PLEKHG7: variants seen among roughly 807,000 people sequenced by gnomAD.
The protein encoded by PLEKHG7 is pleckstrin homology domain-containing family G member 7.
PLEKHG7 carries 77 observed loss-of-function variants against 85.2 expected under a neutral mutation model. That is an observed-to-expected ratio of 0.90 (90% CI 0.75 to 1.09). PLEKHG7 has a LOEUF of 1.09. Among genes scored for constraint, PLEKHG7 ranks in the 50% least tolerant of loss-of-function variants. The pLI, the probability that PLEKHG7 is intolerant of heterozygous loss-of-function variation, is 0.00. For missense variants in PLEKHG7, 777 were observed against 804.3 expected (o/e 0.97, Z 0.41); for synonymous variants, 301 against 302.4 (o/e 1.00, Z 0.05).
rs145117682 is a variant in PLEKHG7 at position 92,759,125 on chromosome 12, T to G, written c.1637-2627T>G. ...CCCAGCCTTAAAAACTGTACTCTTA[T>G]AATCAAATAAGTATATGTTCTCATT... On this transcript the variant is annotated intron_variant, in intron 13 of 16. Transcript: ENST00000344636. Among the ~76,000 whole-genome samples, 907 of 152,342 alleles carry G rather than the reference T, an allele frequency of 6.0e-3. 12 individuals carry two copies. Among genetic ancestry groups the G allele is most frequent in the African/African-American group, 0.02 (830 of 41,582 alleles).
rs117458083 is a variant in PLEKHG7, at chr12:92,736,676, G to T, written c.795+99G>T. ...CAGTATTTTAAGCTGCCAGATTACTGCCTTGTTTATAGTAAGAGCAAAATG... is the reference window on the plus strand; with the variant it reads ...CAGTATTTTAAGCTGCCAGATTACTTCCTTGTTTATAGTAAGAGCAAAATG... On this transcript the variant is annotated intron_variant, in intron 6 of 16. Coordinates refer to ENST00000344636, the MANE Select transcript of PLEKHG7 (RefSeq NM_001377329.1). The T allele has an allele frequency of 3.4e-4, 234 of 690,444 alleles. 2 individuals carry two copies. The East Asian group carries it at 7.3e-3, about 22-fold the overall frequency. The allele number at this position is 690,444 out of a possible 1,614,324, so 42.8% of individuals were successfully genotyped here.
intron 9 of PLEKHG7, among the ~76,000 whole-genome samples, chr12:92,742,836 G>T (rs562723240): frequency 6.6e-6 from 1 of 152,040 alleles, no homozygotes; most frequent in Non-Finnish European, 1.5e-5. Flanking sequence ...GGGATTAGAG[G>T]AGTGAGCCAC....
chr12:92,761,687 G>A (rs570378315), intron 13 of PLEKHG7, 65 bp from the exon 14 acceptor site: 125 of 1,318,172 alleles, frequency 9.5e-5, no homozygotes, highest in South Asian at 5.3e-4. Flanking sequence ...AGAAAGAAAG[G>A]GAAAGAAAAA....
Position 92,754,098 on chromosome 12 carries a change from G to A in PLEKHG7, c.1260G>A (p.Glu420=). 1 of 1,613,598 alleles carries A rather than the reference G, an allele frequency of 6.2e-7. No individual in the cohort carries two copies. Residue 420 remains glutamate (E), a synonymous_variant, in exon 11 of 17, where the codon GAG becomes GAA. Coordinates refer to ENST00000344636, the MANE Select transcript of PLEKHG7 (RefSeq NM_001377329.1). The part of the protein sequence containing the change: ...DDFGIYLKWC[E]QNEQCRRLHV... ...GCTTTTGCCTTCCCCAGTGGTGTGA[G>A]CAGAATGAACAATGCAGACGGCTCC...
intron 3 of PLEKHG7, among the ~76,000 whole-genome samples, chr12:92,716,367 G>C (rs948409657): frequency 4.6e-5 from 7 of 152,108 alleles, no homozygotes; most frequent in Admixed American, 1.3e-4. Context: ...CAAAGTGCTG[G>C]GATTACAGGT....
chr12:92,761,626 GAA>G, intron 13 of PLEKHG7, 124 bp from the exon 14 acceptor site: 1 of 65,462 alleles, frequency 1.5e-5, no homozygotes, highest in African/African-American at 3.2e-4. Flanking sequence ...AAAGAAAGAA[GAA>G]AGAAAGAAAG....
At position 92,748,413 on chromosome 12, in the gene PLEKHG7, A is replaced by C. The variant is rs536429947; in HGVS notation, c.1251+2822A>C. ...AGGTGCCTGCCACCGTGCCTGGCAA[A>C]TTTTTTATATTTTCGGTAGAGACGG... On this transcript the variant is annotated intron_variant, in intron 10 of 16. Coordinates refer to ENST00000344636, the MANE Select transcript of PLEKHG7 (RefSeq NM_001377329.1). Among the ~76,000 whole-genome samples, 10 of 152,004 alleles carry C rather than the reference A, an allele frequency of 6.6e-5. No individual in the cohort carries two copies. The South Asian group carries it at 2.1e-3, about 32-fold the overall frequency.
At chr12:92,737,780 AG>A (rs1872219925) in intron 7 of PLEKHG7, among the ~76,000 whole-genome samples, 1 of 31,050 alleles carries the variant, frequency 3.2e-5, no homozygotes, top group African/African-American at 7.9e-5. Flanking sequence ...AGGGAAAGAG[AG>A]GGAACGGGAG....
chr12:92,749,561 A>G (rs1455803749), intron 10 of PLEKHG7: 2 of 152,192 alleles, frequency 1.3e-5, no homozygotes, highest in African/African-American at 4.8e-5. Context: ...AAACAAAACG[A>G]TGCAGAGGAA....
intron 15 of PLEKHG7, among the ~76,000 whole-genome samples, chr12:92,765,999 A>C (rs1350594466): frequency 1.8e-4 from 27 of 152,154 alleles, no homozygotes; most frequent in Admixed American, 1.8e-3. Flanking sequence ...CTTGACTGGG[A>C]CCAAAGTCTA....
At chr12:92,732,977 G>A (rs1872035532) in intron 5 of PLEKHG7, among the ~76,000 whole-genome samples, 1 of 152,204 alleles carries the variant, frequency 6.6e-6, no homozygotes, top group Non-Finnish European at 1.5e-5. Context: ...ACCAGCAGCA[G>A]CAGCGGGGCC....
Position 92,703,122 on chromosome 12 carries a change from C to T in PLEKHG7, c.-172C>T, listed in dbSNP as rs991301768. On this transcript the variant is annotated 5_prime_UTR_variant, in exon 1 of 17. Transcript: ENST00000344636. ...GGGTGCAGTTGCCTTCAGGGACAGA[C>T]CATCTTACAGGTATTAAAGGCAACA... The T allele has an allele frequency of 6.6e-6, 1 of 152,228 alleles. No individual in the cohort carries two copies. The highest frequency in any genetic ancestry group is 6.5e-5 in the Admixed American group (1 of 15,282). 9.4% of individuals were successfully genotyped at this position (152,228 alleles called of 1,614,324 possible). A position where few individuals can be genotyped will look rare whatever the true frequency, so the allele number is the denominator to read the frequency against.
At chr12:92,756,029 T>C in intron 12 of PLEKHG7, 89 bp downstream of exon 12, 2 of 881,048 alleles carry the variant, frequency 2.3e-6, no homozygotes, top group Non-Finnish European at 3.6e-6. Flanking sequence ...TGTCCCCATC[T>C]GTCCACTTGA....
intron 9 of PLEKHG7, 46 bp downstream of exon 9, chr12:92,741,638 C>T (rs1314790859): frequency 2.8e-6 from 4 of 1,450,702 alleles, no homozygotes; most frequent in Non-Finnish European, 3.8e-6. Context: ...TAAAATCACC[C>T]ACCTCCCAGG....
At chr12:92,704,853 C>T (rs1489806192) in intron 1 of PLEKHG7, among the ~76,000 whole-genome samples, 2 of 152,220 alleles carry the variant, frequency 1.3e-5, no homozygotes, top group Non-Finnish European at 2.9e-5. Context: ...GCTCGGATTA[C>T]AGGCATGAGC....
intron 4 of PLEKHG7, among the ~76,000 whole-genome samples, chr12:92,731,898 T>A (rs895777903): frequency 6.6e-6 from 1 of 152,164 alleles, no homozygotes. Flanking sequence ...TGGCTCCCTG[T>A]CTTAAATAAA....
At chr12:92,743,186 T>C (rs1423119514) in intron 9 of PLEKHG7, among the ~76,000 whole-genome samples, 1 of 152,168 alleles carries the variant, frequency 6.6e-6, no homozygotes, top group Non-Finnish European at 1.5e-5. Flanking sequence ...GCTGATGAAA[T>C]GGCCACTACC....
intron 3 of PLEKHG7, among the ~76,000 whole-genome samples, chr12:92,708,707 C>A (rs957627979): frequency 7.9e-5 from 12 of 152,130 alleles, no homozygotes; most frequent in Admixed American, 7.9e-4. Context: ...ATTCTTTATA[C>A]AGTGAAGGGA....
At position 92,724,732 on chromosome 12, in the gene PLEKHG7, T is replaced by C. The variant is rs184179043; in HGVS notation, c.531-4261T>C. Among the ~76,000 whole-genome samples, 426 of 152,306 alleles carry C rather than the reference T, an allele frequency of 2.8e-3. 2 individuals are homozygous for C. The highest frequency in any genetic ancestry group is 6.8e-3 in the Middle Eastern group (2 of 294). On this transcript the variant is annotated intron_variant, in intron 3 of 16. Coordinates refer to ENST00000344636, the MANE Select transcript of PLEKHG7 (RefSeq NM_001377329.1). ...GAAGAAGCTAGCTAAGTCTGTCCCCTTTGAAAAACTTTTTCCAGGATTCAC... is the reference window on the plus strand; with the variant it reads ...GAAGAAGCTAGCTAAGTCTGTCCCCCTTGAAAAACTTTTTCCAGGATTCAC...
Sources: gnomAD v4.1 joint callset for allele counts (sites outside exome capture counted in the v4.1 genomes callset) on GRCh38, gnomAD v4.1.1 for gene constraint, MANE v1.5 for transcripts, NCBI Gene and HGNC (gene_info 2026-07-23, HGNC 2026-07-21) for gene names.